Variants in ADCY8 observed in about 807,000 individuals in gnomAD.
The protein encoded by ADCY8 is adenylate cyclase 8.
ADCY8 carries 51 observed loss-of-function variants against 119.7 expected under a neutral mutation model. The observed-to-expected ratio is 0.43, with a 90% confidence interval of 0.34 to 0.54. The LOEUF is 0.54. ADCY8 is among the 20% of genes least tolerant of loss of function. The pLI is 0.03. For missense variants in ADCY8, 1,383 were observed against 1,598.8 expected (o/e 0.87, Z 2.30); for synonymous variants, 665 against 651.0 (o/e 1.02, Z -0.33).
intron 7 of ADCY8, among the ~76,000 whole-genome samples, chr8:130,902,211 C>A (rs1186912532): frequency 6.6e-6 from 1 of 152,154 alleles, no homozygotes; most frequent in Admixed American, 6.5e-5. Flanking sequence ...GCATGCATTT[C>A]TTTCTCTTTA....
chr8:130,939,749 C>T (rs1347335899), intron 4 of ADCY8, among the ~76,000 whole-genome samples: 8 of 152,144 alleles, frequency 5.3e-5, no homozygotes, highest in Admixed American at 3.9e-4. Context: ...TAAGCTTGGC[C>T]ATTACTTAAC....
chr8:130,787,556 C>T lies in ADCY8; in HGVS notation c.3061-2081G>A, dbSNP rs529483729. 2.1e-5 allele frequency among the ~76,000 whole-genome samples: 3 copies of T among 142,090 alleles called. No individual in the cohort carries two copies. In the East Asian group the frequency reaches 6.1e-4, roughly 29 times the overall value. The allele number at this position is 142,090 out of a possible 152,430, so 93.2% of individuals were successfully genotyped here. On this transcript the variant is annotated intron_variant, in intron 15 of 17. Coordinates refer to ENST00000286355, the MANE Select transcript of ADCY8 (RefSeq NM_001115.3). Reference sequence around the variant, plus strand: ...CTGCATACATATGTGTGTGGACACACATGTGGGCACATTTGTAGTGATGTG... The same window carrying T: ...CTGCATACATATGTGTGTGGACACATATGTGGGCACATTTGTAGTGATGTG...
intron 1 of ADCY8, among the ~76,000 whole-genome samples, chr8:130,996,637 A>G (rs1586641251): frequency 6.6e-6 from 1 of 152,106 alleles, no homozygotes; most frequent in South Asian, 2.1e-4. Flanking sequence ...ACTACAGGGG[A>G]AAAAAATGGA....
intron 6 of ADCY8, among the ~76,000 whole-genome samples, chr8:130,909,039 ACCATCCAT>A (rs1554615207): frequency 1.6e-5 from 1 of 63,888 alleles, no homozygotes; most frequent in South Asian, 4.2e-4. Flanking sequence ...CCATCCATCC[ACCATCCAT>A]CCATCCATCC....
chr8:130,957,119 G>A lies in ADCY8; in HGVS notation c.1111-5121C>T, dbSNP rs561184017. On this transcript the variant is annotated intron_variant, in intron 2 of 17. Transcript: ENST00000286355. Reference sequence around the variant, plus strand: ...GTCTGGAGGGCTCAGAAGAAGACATGAAAAGGTGGGAAAGTTTGGAACTCC... The same window carrying A: ...GTCTGGAGGGCTCAGAAGAAGACATAAAAAGGTGGGAAAGTTTGGAACTCC... Among the ~76,000 whole-genome samples the A allele has an allele frequency of 3.9e-5, 6 of 152,286 alleles. No individual in the cohort carries two copies. In the East Asian group the frequency reaches 7.7e-4, roughly 20 times the overall value.
At chr8:130,973,405 C>T (rs1323738403) in intron 2 of ADCY8, among the ~76,000 whole-genome samples, 1 of 152,210 alleles carries the variant, frequency 6.6e-6, no homozygotes, top group African/African-American at 2.4e-5. Context: ...ATGCTTGGAA[C>T]CGTGAGACAA....
rs1215192287 is a variant in ADCY8 at position 130,783,832 on chromosome 8, C to G, written c.3154-27G>C. 6 of 1,563,288 alleles carry G rather than the reference C, an allele frequency of 3.8e-6. 1 individual carries two copies. Among genetic ancestry groups the G allele is most frequent in the South Asian group, 2.3e-5 (2 of 88,658 alleles). On this transcript the variant is annotated intron_variant, in intron 16 of 17. Coordinates refer to ENST00000286355, the MANE Select transcript of ADCY8 (RefSeq NM_001115.3). ...TGAAGCAAACATGAGGAGAAGAAAT[C>G]ATTTAATGCGGAATGTGGGGGAACA...
chr8:130,863,361 G>C (rs1818008017), intron 9 of ADCY8, among the ~76,000 whole-genome samples: 1 of 148,308 alleles, frequency 6.7e-6, no homozygotes, highest in Non-Finnish European at 1.5e-5. Context: ...TATACCTATA[G>C]TGGGCTTCTT....
intron 1 of ADCY8, among the ~76,000 whole-genome samples, chr8:131,006,666 C>T (rs1823128330): frequency 6.6e-6 from 1 of 152,162 alleles, no homozygotes; most frequent in African/African-American, 2.4e-5. Flanking sequence ...GGACAGATCA[C>T]TGCCTGGGTC....
At chr8:130,907,438 T>G (rs1028441218) in intron 6 of ADCY8, among the ~76,000 whole-genome samples, 6 of 152,220 alleles carry the variant, frequency 3.9e-5, no homozygotes, top group Non-Finnish European at 8.8e-5. Context: ...TTTTGCACAT[T>G]GACAACATGC....
At chr8:130,856,555 A>C (rs1817741399) in intron 9 of ADCY8, among the ~76,000 whole-genome samples, 1 of 152,188 alleles carries the variant, frequency 6.6e-6, no homozygotes, top group Non-Finnish European at 1.5e-5. Context: ...GCCTTCGGTC[A>C]GGACCCTAGT....
At chr8:130,956,975 C>T (rs1821447572) in intron 2 of ADCY8, among the ~76,000 whole-genome samples, 2 of 152,108 alleles carry the variant, frequency 1.3e-5, no homozygotes, top group Admixed American at 1.3e-4. Context: ...TATATCTTTA[C>T]TAGTAGCGTG....
chr8:130,946,350 T>G (rs1463796393), intron 3 of ADCY8, among the ~76,000 whole-genome samples: 2 of 152,190 alleles, frequency 1.3e-5, no homozygotes, highest in African/African-American at 4.8e-5. Flanking sequence ...ATCATCAAAC[T>G]TCTCCAGGTC....
At chr8:130,784,166 G>A (rs947215550) in intron 16 of ADCY8, among the ~76,000 whole-genome samples, 5 of 151,960 alleles carry the variant, frequency 3.3e-5, no homozygotes, top group African/African-American at 9.7e-5. Context: ...GTGGGTGGCC[G>A]TGAGTGTATG....
At chr8:130,845,368 A>G (rs989668953) in intron 11 of ADCY8, among the ~76,000 whole-genome samples, 3 of 152,168 alleles carry the variant, frequency 2.0e-5, no homozygotes, top group African/African-American at 7.2e-5. Context: ...CACCATGAGA[A>G]CACATTGTTT....
At chr8:130,899,498 TA>T (rs1819523695) in intron 7 of ADCY8, among the ~76,000 whole-genome samples, 1 of 151,840 alleles carries the variant, frequency 6.6e-6, no homozygotes, top group Non-Finnish European at 1.5e-5. Context: ...CTCAGCTACT[TA>T]AGAGGCTGAG....
intron 5 of ADCY8, among the ~76,000 whole-genome samples, chr8:130,928,760 T>C (rs760918041): frequency 5.9e-5 from 9 of 152,220 alleles, no homozygotes; most frequent in Non-Finnish European, 1.0e-4. Flanking sequence ...TTTTCTTTTT[T>C]CTAGTGTCTT....
rs758087462 is a variant in ADCY8 at position 130,800,472 on chromosome 8, A to G, written c.3014T>C (p.Val1005Ala). Residue 1005 changes from valine (V) to alanine (A), a missense_variant, in exon 15 of 18, where the codon GTG (valine) becomes GCG (alanine). Coordinates refer to ENST00000286355, the MANE Select transcript of ADCY8 (RefSeq NM_001115.3). ...YSQTEMNNQG[V>A]ECLRLLNEII... ...CTCATTGAGCAAGCGCAGGCATTCC[A>G]CTCCCTGGTTATTCATTTCAGTCTG... The G allele has an allele frequency of 3.1e-6, 5 of 1,614,136 alleles. No individual in the cohort carries two copies. Among genetic ancestry groups the G allele is most frequent in the Non-Finnish European group, 4.2e-6 (5 of 1,180,026 alleles).
At chr8:130,847,570 G>T in intron 10 of ADCY8, 57 bp from the exon 11 acceptor site, 1 of 1,397,682 alleles carries the variant, frequency 7.2e-7, no homozygotes, top group Non-Finnish European at 9.9e-7. Context: ...GAACAACAAA[G>T]TCAGTGTGAG....
Sources: gnomAD v4.1 joint callset for allele counts (sites outside exome capture counted in the v4.1 genomes callset) on GRCh38, gnomAD v4.1.1 for gene constraint, MANE v1.5 for transcripts, NCBI Gene and HGNC (gene_info 2026-07-23, HGNC 2026-07-21) for gene names.